Variants in GPC6 observed in about 807,000 individuals in gnomAD.
GPC6 encodes glypican 6.
GPC6 carries 14 observed loss-of-function variants against 55.2 expected under a neutral mutation model. The observed-to-expected ratio is 0.25, with a 90% CI of 0.17 to 0.40. The LOEUF (loss-of-function observed/expected upper bound fraction) is 0.40. Ranked by LOEUF, GPC6 falls within the 10% of genes least tolerant of loss-of-function variation. The probability of loss-of-function intolerance (pLI) is 1.00; values close to 1 mark genes in which losing one functional copy is unlikely to be tolerated. For missense variants in GPC6, 641 were observed against 708.5 expected, an observed-to-expected ratio of 0.90 and a Z score of 1.08; for synonymous variants, 278 against 259.6, an observed-to-expected ratio of 1.07 and a Z score of -0.68.
intron 1 of GPC6, among the ~76,000 whole-genome samples, chr13:93,515,721 C>T (rs148413880): frequency 2.4e-4 from 36 of 152,184 alleles, no homozygotes; most frequent in Admixed American, 1.5e-3. Context: ...TGACTAGTGA[C>T]GTATCATGTT....
chr13:93,536,854 ATAGAT>A (rs1882083181), intron 1 of GPC6, among the ~76,000 whole-genome samples: 1 of 152,218 alleles, frequency 6.6e-6, no homozygotes, highest in African/African-American at 2.4e-5. Context: ...TCCTAAAGGT[ATAGAT>A]TAAAGTTTAT....
chr13:93,557,205 C>G (rs887799623), intron 2 of GPC6, among the ~76,000 whole-genome samples: 1 of 152,132 alleles, frequency 6.6e-6, no homozygotes, highest in Non-Finnish European at 1.5e-5. Context: ...AAGTAGAATA[C>G]AGTCTCTGTG....
chr13:93,598,490 A>G (rs1486799248), intron 2 of GPC6, among the ~76,000 whole-genome samples: 1 of 152,150 alleles, frequency 6.6e-6, no homozygotes, highest in Non-Finnish European at 1.5e-5. Context: ...CTTAATGAGT[A>G]TTTTCACGTA....
At chr13:93,513,094 C>A (rs2590516) in intron 1 of GPC6, among the ~76,000 whole-genome samples, 143,489 of 152,220 alleles carry the variant, frequency 0.94, 68,196 homozygotes, top group East Asian at 1. Context: ...AACTGGATTA[C>A]AAACTTGAGT....
chr13:93,986,110 A>G (rs2140409981), intron 3 of GPC6, among the ~76,000 whole-genome samples: 1 of 152,316 alleles, frequency 6.6e-6, no homozygotes, highest in Admixed American at 6.5e-5. Context: ...TTCAAAAACA[A>G]AAATTTAAAT....
chr13:94,232,908 C>A lies in GPC6; in HGVS notation c.878-53441C>A, dbSNP rs568610310. On this transcript the variant is annotated intron_variant, in intron 4 of 8. Transcript: ENST00000377047. ...ATAAGTCAGGCACCAGAATGTGTAA[C>A]CAGGTAATGTAATTATGGTTAATGT... Among the ~76,000 whole-genome samples, 349 of 150,320 alleles carry A rather than the reference C, an allele frequency of 2.3e-3. 4 individuals carry two copies. The highest frequency in any genetic ancestry group is 8.3e-3 in the African/African-American group (341 of 40,920).
At chr13:93,268,689 A>T (rs1027405935) in intron 1 of GPC6, among the ~76,000 whole-genome samples, 2 of 152,114 alleles carry the variant, frequency 1.3e-5, no homozygotes, top group Non-Finnish European at 2.9e-5. Context: ...CGTGCATATG[A>T]GCTTCCTTGA....
chr13:93,790,024 T>A (rs1885977359), intron 2 of GPC6, among the ~76,000 whole-genome samples: 1 of 152,158 alleles, frequency 6.6e-6, no homozygotes, highest in South Asian at 2.1e-4. Flanking sequence ...AATCGGTCAA[T>A]TGAAAATGTG....
intron 1 of GPC6, among the ~76,000 whole-genome samples, chr13:93,290,354 C>T (rs1412573220): frequency 6.6e-6 from 1 of 152,028 alleles, no homozygotes; most frequent in East Asian, 1.9e-4. Context: ...ACAATCTGTC[C>T]AGAAATTCAG....
At chr13:94,242,556 A>G (rs766189955) in intron 4 of GPC6, among the ~76,000 whole-genome samples, 7 of 152,072 alleles carry the variant, frequency 4.6e-5, no homozygotes, top group Non-Finnish European at 1.0e-4. Flanking sequence ...ATGGAATACT[A>G]TGCTTCCTGA....
intron 2 of GPC6, among the ~76,000 whole-genome samples, chr13:93,597,972 C>A (rs1170024355): frequency 6.6e-6 from 1 of 151,926 alleles, no homozygotes; most frequent in African/African-American, 2.4e-5. Flanking sequence ...GGTGAAACCC[C>A]ATCTCTACTA....
At chr13:93,228,765 A>AT (rs1416910936) in intron 1 of GPC6, among the ~76,000 whole-genome samples, 1 of 152,170 alleles carries the variant, frequency 6.6e-6, no homozygotes, top group Non-Finnish European at 1.5e-5. Flanking sequence ...AAAACGCTGA[A>AT]TTTCCACCAG....
At chr13:93,455,448 G>T (rs1021461797) in intron 1 of GPC6, among the ~76,000 whole-genome samples, 1 of 151,902 alleles carries the variant, frequency 6.6e-6, no homozygotes, top group Admixed American at 6.5e-5. Flanking sequence ...GGTATGTTTG[G>T]CTTTAAAACC....
At chr13:94,179,026 C>T (rs17253697) in intron 4 of GPC6, among the ~76,000 whole-genome samples, 13,749 of 152,130 alleles carry the variant, frequency 0.09, 765 homozygotes, top group East Asian at 0.18. Flanking sequence ...AAGATACACG[C>T]GGTCTAGATT....
chr13:94,172,336 C>G (rs1016524405), intron 4 of GPC6, among the ~76,000 whole-genome samples: 2 of 151,824 alleles, frequency 1.3e-5, no homozygotes, highest in African/African-American at 4.8e-5. Flanking sequence ...ACTGCTCTTA[C>G]GAGATGATCG....
chr13:94,069,220 G>A (rs2209942), intron 4 of GPC6, among the ~76,000 whole-genome samples: 69,457 of 151,976 alleles, frequency 0.46, 16,550 homozygotes, highest in Middle Eastern at 0.61. Context: ...AAGGCTTGGG[G>A]CTTACACACT....
chr13:93,235,867 G>C (rs796796119), intron 1 of GPC6, among the ~76,000 whole-genome samples: 33 of 152,250 alleles, frequency 2.2e-4, no homozygotes, highest in African/African-American at 7.5e-4. Flanking sequence ...GAGTGAGAAA[G>C]CTGTAAGCTT....
Position 93,780,284 on chromosome 13 carries a change from AC to A in GPC6, c.320-49869del, listed in dbSNP as rs58448288. ...AAAAAAAATTTAAAAGCAAAAAAAA[AC>A]ACATTGTTTTCCTTAAGAGAATATT... On this transcript the variant is annotated intron_variant, in intron 2 of 8. Transcript: ENST00000377047. Among the ~76,000 whole-genome samples, 1,183 of 151,792 alleles carry A rather than the reference AC, an allele frequency of 7.8e-3. 16 individuals carry two copies. Among genetic ancestry groups the A allele is most frequent in the African/African-American group, 0.027 (1,121 of 41,456 alleles).
intron 2 of GPC6, among the ~76,000 whole-genome samples, chr13:93,616,034 A>G (rs113783410): frequency 0.035 from 5,253 of 152,176 alleles, 129 homozygotes; most frequent in Middle Eastern, 0.11. Context: ...GTAAATATGT[A>G]CTTGTACGTA....
Sources: gnomAD v4.1 joint callset for allele counts (sites outside exome capture counted in the v4.1 genomes callset) on GRCh38, gnomAD v4.1.1 for gene constraint, MANE v1.5 for transcripts, NCBI Gene and HGNC (gene_info 2026-07-23, HGNC 2026-07-21) for gene names.